HS6ST3: variants seen among roughly 807,000 people sequenced by gnomAD.
HS6ST3 encodes heparan sulfate 6-O-sulfotransferase 3, also known as heparan-sulfate 6-O-sulfotransferase 3.
Under a neutral mutation model 36.7 loss-of-function variants are expected in HS6ST3, and 12 were observed. That is an observed-to-expected ratio of 0.33 (90% confidence interval 0.21 to 0.53). The LOEUF (loss-of-function observed/expected upper bound fraction) is 0.53, where lower values mean the gene tolerates loss of function less well. Ranked by LOEUF, HS6ST3 falls within the 20% of genes least tolerant of loss-of-function variation. The probability of loss-of-function intolerance (pLI) is 0.95; values close to 1 mark genes in which losing one functional copy is unlikely to be tolerated. For missense variants in HS6ST3, 584 were observed against 640.9 expected (o/e 0.91, Z 0.96); for synonymous variants, 240 against 257.5 (o/e 0.93, Z 0.65).
intron 1 of HS6ST3, among the ~76,000 whole-genome samples, chr13:96,163,976 A>C (rs2054149370): frequency 6.6e-6 from 1 of 152,166 alleles, no homozygotes; most frequent in Admixed American, 6.5e-5. Context: ...ACATGATTGG[A>C]GTTCTGGGAA....
chr13:96,571,961 G>A (rs1022282144), intron 1 of HS6ST3, among the ~76,000 whole-genome samples: 30 of 152,318 alleles, frequency 2.0e-4, no homozygotes, highest in African/African-American at 6.5e-4. Context: ...TAAGGTCAGA[G>A]TGTGCGTAAA....
At chr13:96,434,255 A>G (rs1187701489) in intron 1 of HS6ST3, among the ~76,000 whole-genome samples, 1 of 152,186 alleles carries the variant, frequency 6.6e-6, no homozygotes, top group Non-Finnish European at 1.5e-5. Flanking sequence ...TAGTATTATA[A>G]TATTAACTTG....
At chr13:96,141,703 G>C (rs547008837) in intron 1 of HS6ST3, among the ~76,000 whole-genome samples, 8 of 152,202 alleles carry the variant, frequency 5.3e-5, no homozygotes, top group Admixed American at 4.6e-4. Context: ...AACACTGAAG[G>C]TTCCAAAGTG....
chr13:96,224,845 T>C (rs948370375), intron 1 of HS6ST3, among the ~76,000 whole-genome samples: 1 of 152,248 alleles, frequency 6.6e-6, no homozygotes, highest in Non-Finnish European at 1.5e-5. Context: ...TCTCTAAAAA[T>C]GAATGTCTGC....
At chr13:96,096,987 T>C (rs2053794319) in intron 1 of HS6ST3, among the ~76,000 whole-genome samples, 1 of 152,218 alleles carries the variant, frequency 6.6e-6, no homozygotes, top group South Asian at 2.1e-4. Flanking sequence ...GTTCTGTCTG[T>C]AGGCCATATC....
Position 96,830,363 on chromosome 13 carries a change from T to C in HS6ST3, c.708-2127T>C, listed in dbSNP as rs554443082. Among the ~76,000 whole-genome samples, 9 of 152,274 alleles carry C rather than the reference T, an allele frequency of 5.9e-5. No individual in the cohort carries two copies. In the South Asian group the frequency reaches 1.7e-3, roughly 28 times the overall value. ...AGTACAAATGCATGCCCTAACAACA[T>C]ACAGGAATGATACAGGGGAGGAATA... On this transcript the variant is annotated intron_variant, in intron 1 of 1. Transcript: ENST00000376705.
At chr13:96,310,443 G>GAA (rs1208068257) in intron 1 of HS6ST3, among the ~76,000 whole-genome samples, 1 of 152,120 alleles carries the variant, frequency 6.6e-6, no homozygotes, top group Non-Finnish European at 1.5e-5. Context: ...GATACAGGTA[G>GAA]AAAGTTTGAG....
chr13:96,521,709 A>G (rs1044697820), intron 1 of HS6ST3, among the ~76,000 whole-genome samples: 6 of 152,030 alleles, frequency 3.9e-5, no homozygotes, highest in African/African-American at 1.2e-4. Flanking sequence ...CCCCTTTATC[A>G]TGTTTTATTG....
At chr13:96,827,897 G>A (rs118151047) in intron 1 of HS6ST3, among the ~76,000 whole-genome samples, 1,653 of 152,280 alleles carry the variant, frequency 0.011, 14 homozygotes, top group Non-Finnish European at 0.018. Context: ...ACAAAAGCCT[G>A]AAACATGAAC....
intron 1 of HS6ST3, among the ~76,000 whole-genome samples, chr13:96,130,054 G>A (rs2053968656): frequency 6.6e-6 from 1 of 152,278 alleles, no homozygotes; most frequent in Admixed American, 6.5e-5. Context: ...ATTCAGCTCT[G>A]TATTTAGAGA....
chr13:96,324,777 A>G (rs1225901469), intron 1 of HS6ST3, among the ~76,000 whole-genome samples: 2 of 152,194 alleles, frequency 1.3e-5, no homozygotes, highest in Non-Finnish European at 2.9e-5. Context: ...GCCTGGAGCT[A>G]TCCAGTAGCT....
chr13:96,216,064 T>A (rs2139360004), intron 1 of HS6ST3, among the ~76,000 whole-genome samples: 1 of 152,324 alleles, frequency 6.6e-6, no homozygotes, highest in Non-Finnish European at 1.5e-5. Context: ...ATGGATAAGT[T>A]CTTTAACATC....
chr13:96,345,775 T>C lies in HS6ST3; in HGVS notation c.707+254206T>C, dbSNP rs370217614. Among the ~76,000 whole-genome samples, 127 of 152,238 alleles carry C rather than the reference T, an allele frequency of 8.3e-4. 1 individual carries two copies. The highest frequency in any genetic ancestry group is 7.1e-3 in the South Asian group (34 of 4,816). ...AATATTTTGGCTTCCCTGGACCACA[T>C]TGGAAGAAGAAAAATTGTCTTGGGC... On this transcript the variant is annotated intron_variant, in intron 1 of 1. Coordinates refer to ENST00000376705, the MANE Select transcript of HS6ST3 (RefSeq NM_153456.4).
chr13:96,508,843 G>A (rs894224724), intron 1 of HS6ST3, among the ~76,000 whole-genome samples: 7 of 152,118 alleles, frequency 4.6e-5, no homozygotes, highest in Admixed American at 4.6e-4. Flanking sequence ...ACATACGTGT[G>A]CAAGTGTCTT....
Position 96,533,863 on chromosome 13 carries a change from T to C in HS6ST3, c.708-298627T>C, listed in dbSNP as rs114788373. On this transcript the variant is annotated intron_variant, in intron 1 of 1. Transcript: ENST00000376705. ...GCCCCAGGGGGTCCAGAGATGATTT[T>C]TCTGGAACTCTTTACTTGGTATTTG... Among the ~76,000 whole-genome samples, 989 of 152,298 alleles carry C rather than the reference T, an allele frequency of 6.5e-3. 16 individuals carry two copies. The highest frequency in any genetic ancestry group is 0.022 in the African/African-American group (919 of 41,560).
intron 1 of HS6ST3, among the ~76,000 whole-genome samples, chr13:96,430,501 G>T (rs1184461421): frequency 6.6e-6 from 1 of 152,178 alleles, no homozygotes; most frequent in Non-Finnish European, 1.5e-5. Flanking sequence ...GAGCTCTCCT[G>T]GGGTGAGGCC....
chr13:96,827,533 T>C (rs994248275), intron 1 of HS6ST3, among the ~76,000 whole-genome samples: 8 of 149,378 alleles, frequency 5.4e-5, no homozygotes, highest in Non-Finnish European at 1.2e-4. Context: ...TCCAGATGCT[T>C]TTAGCCACTC....
chr13:96,703,872 C>G (rs1420213423), intron 1 of HS6ST3, among the ~76,000 whole-genome samples: 1 of 152,140 alleles, frequency 6.6e-6, no homozygotes, highest in African/African-American at 2.4e-5. Flanking sequence ...TCATGCTAGT[C>G]AGTGAGTTCT....
intron 1 of HS6ST3, among the ~76,000 whole-genome samples, chr13:96,602,264 G>C (rs1303498620): frequency 1.3e-5 from 2 of 152,104 alleles, no homozygotes; most frequent in Non-Finnish European, 2.9e-5. Flanking sequence ...TTATCAGGCA[G>C]TATATCCATC....
Sources: gnomAD v4.1 joint callset for allele counts (sites outside exome capture counted in the v4.1 genomes callset) on GRCh38, gnomAD v4.1.1 for gene constraint, MANE v1.5 for transcripts, NCBI Gene and HGNC (gene_info 2026-07-23, HGNC 2026-07-21) for gene names.